The following RNF10 variants were observed in gnomAD, a reference collection of about 807,000 sequenced individuals.
RNF10 encodes ring finger protein 10.
In RNF10, 38 loss-of-function variants were observed where a neutral mutation model predicts 91.4. That is an observed-to-expected ratio of 0.42 (90% CI 0.32 to 0.54). The LOEUF is 0.54. Among genes scored for constraint, RNF10 ranks in the 20% least tolerant of loss-of-function variants. RNF10 has a pLI of 0.16. For synonymous variants in RNF10, 364 were observed against 366.3 expected (o/e 0.99, Z 0.07); for missense variants, 945 against 1,012.0 (o/e 0.93, Z 0.90).
At chr12:120,549,669 C>T (rs1195836527) in intron 2 of RNF10, among the ~76,000 whole-genome samples, 1 of 152,046 alleles carries the variant, frequency 6.6e-6, no homozygotes, top group Non-Finnish European at 1.5e-5. Context: ...CCTGTAATTC[C>T]AGTTACTTGG....
intron 6 of RNF10, 128 bp from the exon 7 acceptor site, chr12:120,560,598 C>A: frequency 1.2e-6 from 1 of 818,658 alleles, no homozygotes; most frequent in East Asian, 2.6e-5. Context: ...AAATTATTTT[C>A]TAGGAAATCA....
intron 1 of RNF10, among the ~76,000 whole-genome samples, chr12:120,542,296 G>A (rs1216975065): frequency 1.3e-5 from 2 of 152,098 alleles, no homozygotes; most frequent in Non-Finnish European, 2.9e-5. Flanking sequence ...TAGGACTGCA[G>A]GTGTGTGCCA....
intron 13 of RNF10, among the ~76,000 whole-genome samples, chr12:120,567,934 G>A (rs1800610761): frequency 1.3e-5 from 2 of 150,988 alleles, no homozygotes; most frequent in East Asian, 1.9e-4. Context: ...AGAAGGCAGG[G>A]GAGGAAATAA....
chr12:120,544,994 G>A (rs1181979004), intron 1 of RNF10, among the ~76,000 whole-genome samples: 1 of 152,154 alleles, frequency 6.6e-6, no homozygotes, highest in Non-Finnish European at 1.5e-5. Flanking sequence ...AGAGTAGTAA[G>A]CAGAAAACAA....
intron 4 of RNF10, 30 bp downstream of exon 4, chr12:120,554,838 T>C: frequency 1.3e-6 from 2 of 1,543,508 alleles, no homozygotes; most frequent in Non-Finnish European, 1.8e-6. Flanking sequence ...CCATAAGCTA[T>C]GAATGGGAGC....
In RNF10 at chr12:120,577,233, G is replaced by T. The variant is rs924481747; in HGVS notation, c.*567G>T. On this transcript the variant is annotated 3_prime_UTR_variant, in exon 17 of 17. Transcript: ENST00000325954. ...CAGGCTGTGGTGCCAGCTTAATGGA[G>T]TAGGCTGTCCTTGGCACTTGCATGT... The T allele has an allele frequency of 2.2e-6, 1 of 449,592 alleles. No homozygotes were observed. Among genetic ancestry groups the T allele is most frequent in the Non-Finnish European group, 4.5e-6 (1 of 224,604 alleles). 27.9% of individuals were successfully genotyped at this position (449,592 alleles called of 1,614,324 possible). A position where few individuals can be genotyped will look rare whatever the true frequency, so the allele number is the denominator to read the frequency against.
Position 120,566,999 on chromosome 12 carries a change from A to G in RNF10, c.2041+19A>G, listed in dbSNP as rs1231247309. 1.9e-6 allele frequency: 3 copies of G among 1,592,614 alleles called. No homozygotes were observed. In the East Asian group the frequency reaches 6.7e-5, roughly 36 times the overall value. ...CATGCAGGTAAACAGGTGAAATTTAATGAATTCACCCATCAGTTAGACCTT... is the reference window on the plus strand; with the variant it reads ...CATGCAGGTAAACAGGTGAAATTTAGTGAATTCACCCATCAGTTAGACCTT... On this transcript the variant is annotated intron_variant, in intron 13 of 16. Coordinates refer to ENST00000325954, the MANE Select transcript of RNF10 (RefSeq NM_014868.5).
chr12:120,559,465 A>G (rs368945993), intron 6 of RNF10, among the ~76,000 whole-genome samples: 3 of 151,894 alleles, frequency 2.0e-5, no homozygotes, highest in Non-Finnish European at 4.4e-5. Context: ...GCTCACTGCA[A>G]TCTCCGCCTC....
chr12:120,554,878 A>G (rs993081593), intron 4 of RNF10, 70 bp downstream of exon 4: 1 of 1,246,052 alleles, frequency 8.0e-7, no homozygotes, highest in Non-Finnish European at 1.2e-6. Flanking sequence ...GTGACGCAGC[A>G]GCTGTTGGCT....
At chr12:120,552,414 T>G in intron 2 of RNF10, 85 bp from the exon 3 acceptor site, 1 of 1,145,568 alleles carries the variant, frequency 8.7e-7, no homozygotes, top group Non-Finnish European at 1.3e-6. Context: ...AAAAAAGCTG[T>G]GTAAAAGGAG....
At chr12:120,574,456 T>C (rs1191034597) in intron 14 of RNF10, 1 of 456,096 alleles carries the variant, frequency 2.2e-6, no homozygotes, top group East Asian at 6.9e-5. Flanking sequence ...TCTGATTTTA[T>C]TGTCCTTGCA....
chr12:120,549,774 G>T (rs1313767489), intron 2 of RNF10, among the ~76,000 whole-genome samples: 1 of 152,166 alleles, frequency 6.6e-6, no homozygotes, highest in African/African-American at 2.4e-5. Context: ...GACAGAGCAA[G>T]ACTCCATCTC....
intron 5 of RNF10, 24 bp downstream of exon 5, chr12:120,557,490 T>A: frequency 2.5e-6 from 4 of 1,613,486 alleles, no homozygotes; most frequent in Non-Finnish European, 3.4e-6. Context: ...ATTTACTCAG[T>A]TAGATCCCAA....
intron 7 of RNF10, among the ~76,000 whole-genome samples, chr12:120,562,432 G>T (rs1368555990): frequency 5.9e-5 from 9 of 151,580 alleles, no homozygotes; most frequent in African/African-American, 2.2e-4. Context: ...GCCCCACCAT[G>T]CCTGGGTTAT....
rs1342482003 is a variant in RNF10, at chr12:120,575,794, G to T, written c.2203G>T (p.Glu735Ter). 2 of 1,614,022 alleles carry T rather than the reference G, an allele frequency of 1.2e-6. No individual in the cohort carries two copies. The highest frequency in any genetic ancestry group is 1.7e-5 in the Admixed American group (1 of 59,992). The change falls in exon 16 of 17, where the codon GAG (glutamate) becomes TAG (stop). Residue 735 changes from glutamate (E) to a stop codon, truncating the protein, a stop_gained and splice_region_variant. Transcript: ENST00000325954. LOFTEE classifies it high-confidence loss of function. ...GTTTTAACACTGGTATTTTTTAGAT[G>T]AGAACAGCTTAGTTCCTCCTGCCCC... ...VWPKTAPKKD[E>*]NSLVPPAPVD...
At chr12:120,562,019 T>A (rs1874905133) in intron 7 of RNF10, among the ~76,000 whole-genome samples, 1 of 152,090 alleles carries the variant, frequency 6.6e-6, no homozygotes. Flanking sequence ...TTTTAACTTT[T>A]AAGTTCAGGG....
intron 3 of RNF10, 192 bp from the exon 4 acceptor site, chr12:120,554,526 T>G: frequency 1.8e-6 from 1 of 556,100 alleles, no homozygotes; most frequent in South Asian, 2.1e-5. Context: ...TTTAGACTTC[T>G]GCCTGCTGAG....
At chr12:120,562,267 CTTTCTTTTTTTT>C (rs1263045281) in intron 7 of RNF10, among the ~76,000 whole-genome samples, 3 of 102,182 alleles carry the variant, frequency 2.9e-5, no homozygotes, top group Non-Finnish European at 6.0e-5. Context: ...CTTTTTCTTT[CTTTCTTTTTTTT>C]TTTTTTTTTT....
intron 7 of RNF10, among the ~76,000 whole-genome samples, chr12:120,562,151 T>C (rs1874924446): frequency 6.6e-6 from 1 of 151,990 alleles, no homozygotes; most frequent in Non-Finnish European, 1.5e-5. Context: ...CTCCTCCCAC[T>C]CTCCACCCTC....
Sources: allele counts gnomAD v4.1 joint callset (sites outside exome capture counted in the v4.1 genomes callset), GRCh38; gene constraint gnomAD v4.1.1; transcripts MANE v1.5; gene names NCBI Gene and HGNC (gene_info 2026-07-23, HGNC 2026-07-21).